The following FAM3C variants were observed in gnomAD, a reference collection of about 807,000 sequenced individuals.
FAM3C encodes the protein protein FAM3C.
A neutral mutation model predicts 32.5 loss-of-function variants in FAM3C; 15 were observed. That is an observed-to-expected ratio of 0.46 (90% CI 0.31 to 0.71). FAM3C has a LOEUF of 0.71. Ranked by LOEUF, FAM3C falls within the 30% of genes least tolerant of loss-of-function variation. The pLI is 0.05. For missense variants in FAM3C, 175 were observed against 274.4 expected, an observed-to-expected ratio of 0.64 and a Z score of 2.56; for synonymous variants, 75 against 86.1, an observed-to-expected ratio of 0.87 and a Z score of 0.72.
At chr7:121,360,371 T>C (rs1374766348) in intron 7 of FAM3C, among the ~76,000 whole-genome samples, 1 of 152,206 alleles carries the variant, frequency 6.6e-6, no homozygotes, top group Non-Finnish European at 1.5e-5. Flanking sequence ...CGTATTGATA[T>C]TCCTGGGGCT....
chr7:121,390,911 A>C (rs928150026), intron 1 of FAM3C, among the ~76,000 whole-genome samples: 5 of 148,100 alleles, frequency 3.4e-5, no homozygotes, highest in African/African-American at 1.2e-4. Flanking sequence ...TTCAAAAGTA[A>C]AATTCACATG....
chr7:121,351,477 TTATTCTATTA>T (rs1164628450), intron 8 of FAM3C: 9 of 482,342 alleles, frequency 1.9e-5, no homozygotes, highest in African/African-American at 1.7e-4. Flanking sequence ...AATTTTAAGT[TTATTCTATTA>T]AAAGGACCTG....
intron 5 of FAM3C, among the ~76,000 whole-genome samples, chr7:121,369,166 A>C (rs1323918582): frequency 6.6e-6 from 1 of 151,570 alleles, no homozygotes; most frequent in Non-Finnish European, 1.5e-5. Flanking sequence ...ATTTTAGTAA[A>C]GACGGGGTTT....
At chr7:121,385,167 ATATAAG>A (rs1794441875) in intron 1 of FAM3C, among the ~76,000 whole-genome samples, 1 of 152,198 alleles carries the variant, frequency 6.6e-6, no homozygotes, top group South Asian at 2.1e-4. Context: ...AAGGGCTTAT[ATATAAG>A]TATGTTCATT....
chr7:121,361,961 G>C (rs1793935398), intron 7 of FAM3C, among the ~76,000 whole-genome samples: 1 of 152,244 alleles, frequency 6.6e-6, no homozygotes, highest in Non-Finnish European at 1.5e-5. Flanking sequence ...ACAGGCGTGA[G>C]CCACCACGTC....
intron 1 of FAM3C, among the ~76,000 whole-genome samples, chr7:121,393,768 T>C (rs1794627031): frequency 6.6e-6 from 1 of 152,284 alleles, no homozygotes; most frequent in South Asian, 2.1e-4. Flanking sequence ...TTTTGGGAAA[T>C]TACCTGGTTC....
At chr7:121,353,846 T>C (rs761642139) in intron 8 of FAM3C, among the ~76,000 whole-genome samples, 2 of 152,178 alleles carry the variant, frequency 1.3e-5, no homozygotes, top group African/African-American at 2.4e-5. Flanking sequence ...CCATGAACCT[T>C]TTCCCTTTGC....
intron 3 of FAM3C, among the ~76,000 whole-genome samples, chr7:121,372,540 C>G (rs1397258681): frequency 6.6e-6 from 1 of 151,964 alleles, no homozygotes; most frequent in African/African-American, 2.4e-5. Context: ...AAAGAAAGCC[C>G]CAGAGAATAT....
chr7:121,363,340 A>T (rs1322257267), intron 6 of FAM3C, among the ~76,000 whole-genome samples: 1 of 152,118 alleles, frequency 6.6e-6, no homozygotes, highest in African/African-American at 2.4e-5. Flanking sequence ...ATCAGATGCC[A>T]TTTTCTACAT....
chr7:121,378,831 G>C, intron 3 of FAM3C, 79 bp downstream of exon 3: 1 of 645,764 alleles, frequency 1.5e-6, no homozygotes, highest in East Asian at 3.0e-5. Flanking sequence ...CTAGCACTGA[G>C]TGACTCAGTG....
intron 1 of FAM3C, among the ~76,000 whole-genome samples, chr7:121,393,644 G>C (rs1218364106): frequency 6.6e-6 from 1 of 152,180 alleles, no homozygotes; most frequent in East Asian, 1.9e-4. Context: ...GGGTACACTG[G>C]AAAGACTTAG....
Position 121,378,941 on chromosome 7 carries a change from T to C in FAM3C, c.87A>G (p.Ile29Met). ...GATTTCCTAAACTTGCATCCATTTT[T>C]ATTTCAAATACTTGAGAAATAACAT... is the stretch of plus-strand genomic sequence containing the variant. ...TFYVISQVFE[I>M]KMDASLGNLF... The change falls in exon 3 of 10, where the codon ATA becomes ATG. Residue 29 changes from isoleucine (I) to methionine (M), a missense_variant. Coordinates refer to ENST00000359943, the MANE Select transcript of FAM3C (RefSeq NM_014888.3). 1 of 1,555,224 alleles carries C rather than the reference T, an allele frequency of 6.4e-7. No individual in the cohort carries two copies. Among genetic ancestry groups the C allele is most frequent in the Non-Finnish European group, 8.7e-7 (1 of 1,148,528 alleles).
chr7:121,375,549 T>G (rs1234456400), intron 3 of FAM3C, among the ~76,000 whole-genome samples: 1 of 152,032 alleles, frequency 6.6e-6, no homozygotes, highest in African/African-American at 2.4e-5. Context: ...ATATCAGAGA[T>G]GAGAAGAGAA....
At chr7:121,371,480 T>C in intron 4 of FAM3C, 57 bp from the exon 5 acceptor site, 1 of 1,545,852 alleles carries the variant, frequency 6.5e-7, no homozygotes, top group Non-Finnish European at 8.9e-7. Context: ...AGACTTTACC[T>C]CACTTTACTT....
At position 121,364,196 on chromosome 7, in the gene FAM3C, G is replaced by C. The variant is rs199511957; in HGVS notation, c.273-8C>G. On this transcript the variant is annotated splice_region_variant and splice_polypyrimidine_tract_variant and intron_variant, in intron 5 of 9. Coordinates refer to ENST00000359943, the MANE Select transcript of FAM3C (RefSeq NM_014888.3). Reference sequence around the variant, plus strand: ...TTAACACCACTCATTAAACTGAAGGGGGAGAAATTGAAATAAATTTAGAAT... The same window carrying C: ...TTAACACCACTCATTAAACTGAAGGCGGAGAAATTGAAATAAATTTAGAAT... 8 of 1,549,170 alleles carry C rather than the reference G, an allele frequency of 5.2e-6. No individual in the cohort carries two copies. In the East Asian group the frequency reaches 1.8e-4, roughly 35 times the overall value.
chr7:121,370,007 A>G (rs1316798668), intron 5 of FAM3C, among the ~76,000 whole-genome samples: 1 of 152,228 alleles, frequency 6.6e-6, no homozygotes, highest in Admixed American at 6.5e-5. Flanking sequence ...TAGATGTCCA[A>G]AATCATCCAT....
intron 7 of FAM3C, among the ~76,000 whole-genome samples, chr7:121,361,724 G>T (rs2116890048): frequency 6.6e-6 from 1 of 152,292 alleles, no homozygotes; most frequent in Non-Finnish European, 1.5e-5. Flanking sequence ...CGCCCAGGCT[G>T]GAGTGCAGTG....
intron 1 of FAM3C, among the ~76,000 whole-genome samples, chr7:121,387,009 T>C (rs1014925328): frequency 2.0e-5 from 3 of 152,076 alleles, no homozygotes; most frequent in Non-Finnish European, 4.4e-5. Flanking sequence ...AAGGGCCAGA[T>C]GGTAAATATT....
chr7:121,395,481 G>C (rs950069071), intron 1 of FAM3C, among the ~76,000 whole-genome samples: 2 of 150,584 alleles, frequency 1.3e-5, no homozygotes, highest in African/African-American at 4.9e-5. Context: ...AAAAAAGGTA[G>C]AGGATGATGG....
Sources: gnomAD v4.1 joint callset for allele counts (sites outside exome capture counted in the v4.1 genomes callset) on GRCh38, gnomAD v4.1.1 for gene constraint, MANE v1.5 for transcripts, NCBI Gene and HGNC (gene_info 2026-07-23, HGNC 2026-07-21) for gene names.